CTNNA3: variants seen among roughly 807,000 people sequenced by gnomAD.
CTNNA3 encodes the protein catenin alpha 3.
A neutral mutation model predicts 95.7 loss-of-function variants in CTNNA3; 76 were observed. That is an observed-to-expected ratio of 0.79 (90% confidence interval 0.66 to 0.96). The LOEUF is 0.96. CTNNA3 is among the 40% of genes least tolerant of loss of function. The pLI is 0.00. For synonymous variants in CTNNA3, 431 were observed against 374.4 expected (o/e 1.15, Z -1.74); for missense variants, 1,191 against 1,089.8 (o/e 1.09, Z -1.31).
In CTNNA3 at chr10:67,354,285, G is replaced by T. The variant is rs192153520; in HGVS notation, c.580-134415C>A. Among the ~76,000 whole-genome samples the T allele has an allele frequency of 1.9e-3, 289 of 152,012 alleles. 2 individuals carry two copies. Among genetic ancestry groups the T allele is most frequent in the African/African-American group, 6.7e-3 (278 of 41,500 alleles). ...TACATTCTCCAAAATAACCCTACAA[G>T]GTTGCTGCAGATCTCAGATTAAGAA... On this transcript the variant is annotated intron_variant, in intron 5 of 17. Transcript: ENST00000433211.
rs878945959 is a variant in CTNNA3, at chr10:67,750,375, T to C, written c.-2+13059A>G. The C allele has an allele frequency of 3.3e-6, 5 of 1,494,864 alleles. No homozygotes were observed. In the Admixed American group the frequency reaches 5.0e-5, roughly 15 times the overall value. The allele number at this position is 1,494,864 out of a possible 1,614,324, so 92.6% of individuals were successfully genotyped here. A position where few individuals can be genotyped will look rare whatever the true frequency, so the allele number is the denominator to read the frequency against. ...TCTCCTCTCGGCAAAGTGAAAGAAG[T>C]GGTGAAGGTGGCCATTGATGCAGGA... On this transcript the variant is annotated intron_variant, in intron 1 of 17. Transcript: ENST00000684154.
intron 12 of CTNNA3, among the ~76,000 whole-genome samples, chr10:66,366,024 T>C (rs1405087570): frequency 6.6e-6 from 1 of 152,154 alleles, no homozygotes; most frequent in Non-Finnish European, 1.5e-5. Flanking sequence ...TTCATGACCG[T>C]CAGACATTAT....
At chr10:67,424,371 G>A (rs1247220977) in intron 5 of CTNNA3, among the ~76,000 whole-genome samples, 1 of 152,070 alleles carries the variant, frequency 6.6e-6, no homozygotes, top group African/African-American at 2.4e-5. Flanking sequence ...AACTGCTGAG[G>A]AGCTAAGGAT....
chr10:66,391,017 T>C (rs2092929612), intron 11 of CTNNA3, among the ~76,000 whole-genome samples: 1 of 152,014 alleles, frequency 6.6e-6, no homozygotes, highest in Non-Finnish European at 1.5e-5. Flanking sequence ...AACCAGAAAA[T>C]AAAGCACTTT....
chr10:66,723,391 A>T lies in CTNNA3; in HGVS notation c.1281+42873T>A, dbSNP rs189833934. Among the ~76,000 whole-genome samples the T allele has an allele frequency of 4.9e-3, 744 of 152,270 alleles. 1 individual carries two copies. The highest frequency in any genetic ancestry group is 0.017 in the African/African-American group (708 of 41,564). On this transcript the variant is annotated intron_variant, in intron 9 of 17. Transcript: ENST00000433211. Reference sequence around the variant, plus strand: ...CTACAATCCTCTACGAATGGAAGCAATAGCACTACAGTTAACACTCTAAAT... The same window carrying T: ...CTACAATCCTCTACGAATGGAAGCATTAGCACTACAGTTAACACTCTAAAT...
intron 9 of CTNNA3, among the ~76,000 whole-genome samples, chr10:66,754,226 A>G (rs751304991): frequency 6.6e-6 from 1 of 152,176 alleles, no homozygotes; most frequent in African/African-American, 2.4e-5. Flanking sequence ...ATAAACCCTC[A>G]CATTTATAGT....
intron 5 of CTNNA3, among the ~76,000 whole-genome samples, chr10:67,342,023 T>A (rs1472293502): frequency 1.4e-5 from 2 of 144,202 alleles, no homozygotes; most frequent in Non-Finnish European, 3.0e-5. Flanking sequence ...CTATTCTACA[T>A]AGCTATTCCA....
chr10:66,280,383 G>A lies in CTNNA3; in HGVS notation c.1884+87C>T, dbSNP rs2091470978. On this transcript the variant is annotated intron_variant, in intron 13 of 17. Coordinates refer to ENST00000433211, the MANE Select transcript of CTNNA3 (RefSeq NM_013266.4). ...ATTTCAGCATTGACATTACAGCATAGAAATAAAGCATTTCTTGCAGTCATC... is the reference window on the plus strand; with the variant it reads ...ATTTCAGCATTGACATTACAGCATAAAAATAAAGCATTTCTTGCAGTCATC... The A allele has an allele frequency of 4.8e-5, 57 of 1,185,088 alleles. 1 individual carries two copies. The South Asian group carries it at 7.6e-4, about 16-fold the overall frequency. The allele number at this position is 1,185,088 out of a possible 1,614,324, so 73.4% of individuals were successfully genotyped here. A position where few individuals can be genotyped will look rare whatever the true frequency, so the allele number is the denominator to read the frequency against.
intron 6 of CTNNA3, among the ~76,000 whole-genome samples, chr10:67,190,410 C>T (rs1311470794): frequency 6.6e-6 from 1 of 151,800 alleles, no homozygotes; most frequent in African/African-American, 2.4e-5. Context: ...AGGAAACATA[C>T]CAATACCATA....
At chr10:67,112,400 T>C (rs918604614) in intron 7 of CTNNA3, among the ~76,000 whole-genome samples, 1 of 152,166 alleles carries the variant, frequency 6.6e-6, no homozygotes, top group Non-Finnish European at 1.5e-5. Context: ...TGTATGTAAC[T>C]AGAGTCTGAA....
intron 7 of CTNNA3, among the ~76,000 whole-genome samples, chr10:66,779,415 AG>A (rs1333064906): frequency 1.3e-5 from 2 of 151,752 alleles, no homozygotes; most frequent in Non-Finnish European, 2.9e-5. Flanking sequence ...AGAGTGCAGT[AG>A]TGCCATCTCG....
At chr10:66,296,632 T>C (rs922938683) in intron 12 of CTNNA3, among the ~76,000 whole-genome samples, 5 of 151,508 alleles carry the variant, frequency 3.3e-5, no homozygotes, top group Admixed American at 3.3e-4. Context: ...CACACACGCA[T>C]GCACAAAAAT....
intron 9 of CTNNA3, among the ~76,000 whole-genome samples, chr10:66,690,665 T>A: frequency 6.6e-6 from 1 of 151,802 alleles, no homozygotes; most frequent in East Asian, 1.9e-4. Flanking sequence ...TCATTTTTTA[T>A]GGCTGCATAG....
At chr10:66,697,810 G>A (rs1257527113) in intron 9 of CTNNA3, among the ~76,000 whole-genome samples, 1 of 152,092 alleles carries the variant, frequency 6.6e-6, no homozygotes. Context: ...AACTAAAGCT[G>A]CATAAGAGAG....
intron 10 of CTNNA3, among the ~76,000 whole-genome samples, chr10:66,614,308 G>A (rs1459074534): frequency 1.3e-5 from 2 of 151,994 alleles, no homozygotes; most frequent in African/African-American, 4.8e-5. Flanking sequence ...ACCTGCCAAT[G>A]AATATAATCT....
At chr10:67,358,755 C>A (rs1842901692) in intron 5 of CTNNA3, among the ~76,000 whole-genome samples, 2 of 152,074 alleles carry the variant, frequency 1.3e-5, no homozygotes, top group Non-Finnish European at 2.9e-5. Context: ...TACAACTGAC[C>A]TTCAGCTCAG....
rs148841673 is a variant in CTNNA3, at chr10:66,563,193, C to G, written c.1375-42420G>C. On this transcript the variant is annotated intron_variant, in intron 10 of 17. Transcript: ENST00000433211. ...TAGAATAACCACTGCTTTTTTCTTT[C>G]AAATCTCTATCATTAGTAAATATCA... Among the ~76,000 whole-genome samples the G allele has an allele frequency of 4.8e-4, 73 of 152,004 alleles. 2 individuals carry two copies. Among genetic ancestry groups the G allele is most frequent in the African/African-American group, 1.7e-3 (72 of 41,486 alleles).
chr10:67,610,656 G>T (rs1843426983), intron 2 of CTNNA3, among the ~76,000 whole-genome samples: 1 of 152,198 alleles, frequency 6.6e-6, no homozygotes, highest in African/African-American at 2.4e-5. Flanking sequence ...CCTCTTGAAG[G>T]AATACCAGCA....
intron 7 of CTNNA3, among the ~76,000 whole-genome samples, chr10:66,833,407 C>T (rs756094366): frequency 3.3e-5 from 5 of 152,178 alleles, no homozygotes; most frequent in African/African-American, 7.2e-5. Flanking sequence ...GCACTGACTA[C>T]GTGCAAATCC....
Sources: gnomAD v4.1 joint callset for allele counts (sites outside exome capture counted in the v4.1 genomes callset) on GRCh38, gnomAD v4.1.1 for gene constraint, MANE v1.5 for transcripts, NCBI Gene and HGNC (gene_info 2026-07-23, HGNC 2026-07-21) for gene names.